The following BEGAIN variants were observed in gnomAD, a reference collection of about 807,000 sequenced individuals.
BEGAIN encodes brain enriched guanylate kinase associated, also known as brain-enriched guanylate kinase-associated protein.
In BEGAIN, 19 loss-of-function variants were observed where a neutral mutation model predicts 35.8. The ratio of observed to expected loss-of-function variants is 0.53; its 90% CI spans 0.37 to 0.78. BEGAIN has a LOEUF of 0.78. Among genes scored for constraint, BEGAIN ranks in the 30% least tolerant of loss-of-function variants. The probability of loss-of-function intolerance (pLI) is 0.00; values close to 1 mark genes in which losing one functional copy is unlikely to be tolerated. For missense variants in BEGAIN, 795 were observed against 853.6 expected (o/e 0.93, Z 0.85); for synonymous variants, 462 against 388.6 (o/e 1.19, Z -2.22).
Position 100,562,940 on chromosome 14 carries a change from G to A in BEGAIN, c.71+4971C>T, listed in dbSNP as rs559852644. Among the ~76,000 whole-genome samples the A allele has an allele frequency of 1.5e-4, 23 of 149,308 alleles. No individual in the cohort carries two copies. The South Asian group carries it at 3.8e-3, about 25-fold the overall frequency. ...GCAGCCTCTGGTGCTCAGTGAATGC[G>A]TGTGGAATCCATGATCAGTGAACAA... On this transcript the variant is annotated intron_variant, in intron 2 of 6. Transcript: ENST00000554140.
intron 2 of BEGAIN, 128 bp from the exon 3 acceptor site, chr14:100,546,790 A>C: frequency 1.7e-6 from 1 of 584,042 alleles, no homozygotes. Flanking sequence ...GCACACACAC[A>C]CACACACACA....
At chr14:100,545,422 G>A (rs1268783186) in intron 3 of BEGAIN, 4 of 1,089,342 alleles carry the variant, frequency 3.7e-6, no homozygotes, top group Non-Finnish European at 4.5e-6. Context: ...CCTGTTATGG[G>A]GTTGACAGTT....
At chr14:100,569,522 A>C (rs1211290254) in intron 1 of BEGAIN, 1 of 152,658 alleles carries the variant, frequency 6.6e-6, no homozygotes. Flanking sequence ...ATCCTACGGC[A>C]CTGGAGCCTG....
Position 100,538,149 on chromosome 14 carries a change from G to A in BEGAIN, c.1659C>T (p.Ser553=), listed in dbSNP as rs567328914. 3.9e-6 allele frequency: 6 copies of A among 1,535,898 alleles called. No individual in the cohort carries two copies. Among genetic ancestry groups the A allele is most frequent in the Non-Finnish European group, 2.6e-6 (3 of 1,144,736 alleles). The change falls in exon 7 of 7, where the codon AGC becomes AGT. Residue 553 remains serine, a synonymous_variant. Transcript: ENST00000554140. ...CCCTGGAACCCTGCTCGGGCTCAGG[G>A]CTGCTGGCGGTCCCACACAGCTGCA... is the stretch of plus-strand genomic sequence containing the variant. The part of the protein sequence containing the change: ...LGVQLCGTAS[S]PEPEQGSRDS...
At chr14:100,544,384 C>T (rs545578561) in intron 4 of BEGAIN, among the ~76,000 whole-genome samples, 4 of 152,200 alleles carry the variant, frequency 2.6e-5, no homozygotes, top group South Asian at 2.1e-4. Context: ...TGCCACCCCC[C>T]GTCTCTGATA....
chr14:100,540,873 TAGA>T (rs772247696), intron 5 of BEGAIN, among the ~76,000 whole-genome samples: 17 of 152,108 alleles, frequency 1.1e-4, no homozygotes, highest in Non-Finnish European at 2.4e-4. Context: ...GGGGCAGTGG[TAGA>T]AGAAGGAGCC....
intron 4 of BEGAIN, among the ~76,000 whole-genome samples, chr14:100,544,378 A>G (rs947011612): frequency 6.6e-6 from 1 of 151,974 alleles, no homozygotes; most frequent in African/African-American, 2.4e-5. Context: ...CAGGCCTGCC[A>G]CCCCCCGTCT....
At chr14:100,580,061 T>C (rs560389282) in intron 1 of BEGAIN, among the ~76,000 whole-genome samples, 2 of 152,304 alleles carry the variant, frequency 1.3e-5, no homozygotes, top group South Asian at 4.1e-4. Context: ...TCCCAGCACT[T>C]TGGGAGGCCG....
intron 2 of BEGAIN, among the ~76,000 whole-genome samples, chr14:100,553,991 A>C (rs2033457189): frequency 6.6e-6 from 1 of 152,172 alleles, no homozygotes; most frequent in African/African-American, 2.4e-5. Flanking sequence ...CTGGAGCCCC[A>C]GGGCCCTGCC....
chr14:100,539,543 T>C (rs1350323014), intron 6 of BEGAIN, among the ~76,000 whole-genome samples: 1 of 152,020 alleles, frequency 6.6e-6, no homozygotes, highest in African/African-American at 2.4e-5. Context: ...GGATCCTGGG[T>C]CACCTCTCCC....
At chr14:100,562,427 C>T (rs1206282314) in intron 2 of BEGAIN, among the ~76,000 whole-genome samples, 5 of 152,132 alleles carry the variant, frequency 3.3e-5, no homozygotes, top group Non-Finnish European at 5.9e-5. Flanking sequence ...AAAGGGGACA[C>T]CTCAAGCCTG....
chr14:100,585,909 G>C lies in BEGAIN; in HGVS notation c.42+1340C>G, dbSNP rs560554102. On this transcript the variant is annotated intron_variant, in intron 1 of 6. Coordinates refer to ENST00000554140, the MANE Select transcript of BEGAIN (RefSeq NM_001385089.1). ...GCCGCCCATCGCCCAGAGCCCGTGT[G>C]CTGAGCCCGGGCAGAGCCGCATCTG... is the stretch of plus-strand genomic sequence containing the variant. Among the ~76,000 whole-genome samples, 3 of 152,396 alleles carry C rather than the reference G, an allele frequency of 2.0e-5. No individual in the cohort carries two copies. The East Asian group carries it at 5.8e-4, about 29-fold the overall frequency.
At chr14:100,585,410 T>C in intron 1 of BEGAIN, among the ~76,000 whole-genome samples, 1 of 66,102 alleles carries the variant, frequency 1.5e-5, no homozygotes, top group African/African-American at 5.8e-5. Context: ...CATCCCTCCC[T>C]CCCTCCCATC....
intron 1 of BEGAIN, among the ~76,000 whole-genome samples, chr14:100,578,825 C>T (rs556639378): frequency 1.3e-5 from 2 of 151,520 alleles, no homozygotes; most frequent in East Asian, 1.9e-4. Flanking sequence ...GAATCATCAT[C>T]ACACCAGCCT....
intron 2 of BEGAIN, chr14:100,547,059 C>G (rs138684719): frequency 0.011 from 1,758 of 160,234 alleles, 35 homozygotes; most frequent in African/African-American, 0.04. Context: ...AGAGCTGGCC[C>G]TGGGTGGCAC....
At position 100,539,187 on chromosome 14, in the gene BEGAIN, C is replaced by T. The variant is rs2031160842; in HGVS notation, c.621G>A (p.Glu207=). The T allele has an allele frequency of 1.9e-6, 3 of 1,580,584 alleles. No homozygotes were observed. Among genetic ancestry groups the T allele is most frequent in the African/African-American group, 1.3e-5 (1 of 74,292 alleles). ...VPTCVIAKVL[E]KPDPASLSSR... Reference sequence around the variant, plus strand: ...AGGACAGGCTGGCGGGGTCCGGCTTCTCCAGCACCTTGGCAATGACGCAGG... The same window carrying T: ...AGGACAGGCTGGCGGGGTCCGGCTTTTCCAGCACCTTGGCAATGACGCAGG... The change falls in exon 7 of 7, where the codon GAG becomes GAA. Residue 207 remains glutamate, a synonymous_variant. Coordinates refer to ENST00000554140, the MANE Select transcript of BEGAIN (RefSeq NM_001385089.1).
Position 100,544,990 on chromosome 14 carries a change from G to A in BEGAIN, c.300+10C>T. Reference sequence around the variant, plus strand: ...GGGGTGGGGGAGTGGGCGCTGCGTGGCGGCCTCACCATGCGGTACAGCTTG... The same window carrying A: ...GGGGTGGGGGAGTGGGCGCTGCGTGACGGCCTCACCATGCGGTACAGCTTG... On this transcript the variant is annotated intron_variant, in intron 4 of 6. Coordinates refer to ENST00000554140, the MANE Select transcript of BEGAIN (RefSeq NM_001385089.1). The A allele has an allele frequency of 6.2e-7, 1 of 1,610,808 alleles. No individual in the cohort carries two copies. Among genetic ancestry groups the A allele is most frequent in the Non-Finnish European group, 8.5e-7 (1 of 1,179,848 alleles).
chr14:100,582,214 G>A (rs769465251), intron 1 of BEGAIN, among the ~76,000 whole-genome samples: 4 of 152,050 alleles, frequency 2.6e-5, no homozygotes, highest in South Asian at 2.1e-4. Flanking sequence ...GCGCGATCTC[G>A]GCTCACTGCA....
intron 1 of BEGAIN, among the ~76,000 whole-genome samples, chr14:100,569,992 C>T (rs559555108): frequency 1.1e-3 from 162 of 152,202 alleles, no homozygotes; most frequent in South Asian, 2.3e-3. Context: ...CCCCGGACCC[C>T]CTATGCGGGA....
Sources: allele counts gnomAD v4.1 joint callset (sites outside exome capture counted in the v4.1 genomes callset), GRCh38; gene constraint gnomAD v4.1.1; transcripts MANE v1.5; gene names NCBI Gene and HGNC (gene_info 2026-07-23, HGNC 2026-07-21).